The following CDH6 variants were observed in gnomAD, a reference collection of about 807,000 sequenced individuals.
The protein encoded by CDH6 is cadherin-6.
In CDH6, 31 loss-of-function variants were observed where a neutral mutation model predicts 78.0. That is an observed-to-expected ratio of 0.40 (90% CI 0.30 to 0.54). CDH6 has a LOEUF of 0.54. Ranked by LOEUF, CDH6 falls within the 20% of genes least tolerant of loss-of-function variation. CDH6 has a pLI of 0.56. For missense variants in CDH6, 724 were observed against 975.9 expected, an observed-to-expected ratio of 0.74 and a Z score of 3.44; for synonymous variants, 376 against 368.8, an observed-to-expected ratio of 1.02 and a Z score of -0.23.
Position 31,327,860 on chromosome 5 carries a change from T to C in CDH6, c.*4552T>C, listed in dbSNP as rs778043066. ...AAAATACATTGACTCATACACTTGT[T>C]AAAAGTTAATAAAGAAATAGCTCAT... On this transcript the variant is annotated 3_prime_UTR_variant, in exon 12 of 12. Transcript: ENST00000265071. 1.1e-4 allele frequency: 24 copies of C among 215,072 alleles called. No homozygotes were observed. Among genetic ancestry groups the C allele is most frequent in the Admixed American group, 5.3e-4 (9 of 17,136 alleles). 13.3% of individuals were successfully genotyped at this position (215,072 alleles called of 1,614,324 possible). A position where few individuals can be genotyped will look rare whatever the true frequency, so the allele number is the denominator to read the frequency against.
chr5:31,307,539 A>G (rs770613383), intron 7 of CDH6, among the ~76,000 whole-genome samples: 1 of 152,202 alleles, frequency 6.6e-6, no homozygotes, highest in Non-Finnish European at 1.5e-5. Flanking sequence ...CTCCACATAC[A>G]TTTAATATTG....
intron 8 of CDH6, among the ~76,000 whole-genome samples, 163 bp downstream of exon 8, chr5:31,313,617 C>T (rs1738216893): frequency 6.6e-6 from 1 of 152,154 alleles, no homozygotes; most frequent in Non-Finnish European, 1.5e-5. Context: ...TCTAGATATA[C>T]ATTGGCTCAC....
At chr5:31,223,931 G>A (rs1741070602) in intron 1 of CDH6, among the ~76,000 whole-genome samples, 1 of 152,160 alleles carries the variant, frequency 6.6e-6, no homozygotes, top group African/African-American at 2.4e-5. Flanking sequence ...TAATGACAAT[G>A]GTGGTGGCAG....
intron 1 of CDH6, among the ~76,000 whole-genome samples, chr5:31,202,118 T>C: frequency 6.6e-6 from 1 of 152,314 alleles, no homozygotes. Context: ...GTCTTTTTTT[T>C]TCTAAAAGTG....
At chr5:31,289,632 A>C in intron 2 of CDH6, among the ~76,000 whole-genome samples, 1 of 152,200 alleles carries the variant, frequency 6.6e-6, no homozygotes, top group Middle Eastern at 3.4e-3. Flanking sequence ...ACCCTCACCA[A>C]CATTGTTTGG....
At chr5:31,302,903 A>AAAAGAAAGAAAG (rs70953502) in intron 6 of CDH6, among the ~76,000 whole-genome samples, 9,931 of 90,222 alleles carry the variant, frequency 0.11, 646 homozygotes, top group African/African-American at 0.13. Context: ...AAGAAAGAAA[A>AAAAGAAAGAAAG]AAAGAAAGAA....
intron 2 of CDH6, among the ~76,000 whole-genome samples, chr5:31,284,483 C>T (rs1742960225): frequency 6.6e-6 from 1 of 152,198 alleles, no homozygotes; most frequent in Admixed American, 6.5e-5. Flanking sequence ...TCCCACTTGC[C>T]CTGGGGCGAT....
intron 2 of CDH6, among the ~76,000 whole-genome samples, chr5:31,271,829 C>T (rs1742538722): frequency 6.6e-6 from 1 of 152,092 alleles, no homozygotes; most frequent in South Asian, 2.1e-4. Context: ...TTAACAAGAT[C>T]CCCAGGTGAA....
rs118076314 is a variant in CDH6 at position 31,227,644 on chromosome 5, A to C, written c.-129+33758A>C. 6.6e-4 allele frequency among the ~76,000 whole-genome samples: 101 copies of C among 152,184 alleles called. No individual in the cohort carries two copies. In the East Asian group the frequency reaches 0.018, roughly 28 times the overall value. ...AAGGCTTCTGCCAAGGTTCCTCCAG[A>C]ATTTACATCCTTTTGGCCTCCAACT... On this transcript the variant is annotated intron_variant, in intron 1 of 11. Transcript: ENST00000265071.
chr5:31,196,900 A>G, intron 1 of CDH6, among the ~76,000 whole-genome samples: 1 of 152,176 alleles, frequency 6.6e-6, no homozygotes, highest in Non-Finnish European at 1.5e-5. Flanking sequence ...TTTACTCAAT[A>G]ACAATAATAA....
At chr5:31,237,129 C>G (rs1192744869) in intron 1 of CDH6, among the ~76,000 whole-genome samples, 1 of 151,972 alleles carries the variant, frequency 6.6e-6, no homozygotes, top group South Asian at 2.1e-4. Flanking sequence ...GACAGCTGAA[C>G]GAGGCAGGTT....
chr5:31,267,129 C>T (rs1579865558), intron 1 of CDH6, among the ~76,000 whole-genome samples: 1 of 152,080 alleles, frequency 6.6e-6, no homozygotes, highest in Non-Finnish European at 1.5e-5. Context: ...GATTTTTAAG[C>T]GGTAGAAAAG....
intron 2 of CDH6, among the ~76,000 whole-genome samples, chr5:31,280,675 G>A (rs917578389): frequency 2.6e-5 from 4 of 152,126 alleles, no homozygotes; most frequent in African/African-American, 9.7e-5. Flanking sequence ...TTGCAGTGAG[G>A]AAACTTTCCC....
At chr5:31,222,995 CCT>C (rs1741044018) in intron 1 of CDH6, among the ~76,000 whole-genome samples, 1 of 151,880 alleles carries the variant, frequency 6.6e-6, no homozygotes, top group Non-Finnish European at 1.5e-5. Context: ...CCGCACTTTT[CCT>C]CTTTCTCTCT....
rs1738152955 is a variant in CDH6 at position 31,311,471 on chromosome 5, C to T, written c.1254-1847C>T. On this transcript the variant is annotated intron_variant, in intron 7 of 11. Coordinates refer to ENST00000265071, the MANE Select transcript of CDH6 (RefSeq NM_004932.4). The stretch of plus-strand genomic sequence containing the variant: ...CTTCTTCTGAACCCTCCAATCTGTT[C>T]CAACCTCTGCCTGTTACCCAGTTCC... Among the ~76,000 whole-genome samples the T allele has an allele frequency of 2.6e-5, 4 of 152,330 alleles. No individual in the cohort carries two copies. The South Asian group carries it at 6.2e-4, about 24-fold the overall frequency.
At chr5:31,261,087 A>AT (rs372001758) in intron 1 of CDH6, among the ~76,000 whole-genome samples, 4 of 151,388 alleles carry the variant, frequency 2.6e-5, no homozygotes, top group African/African-American at 9.7e-5. Context: ...TAAATACCAT[A>AT]TTTTTTTTTA....
chr5:31,291,277 T>C (rs1250879501), intron 2 of CDH6, among the ~76,000 whole-genome samples: 1 of 152,118 alleles, frequency 6.6e-6, no homozygotes, highest in Non-Finnish European at 1.5e-5. Flanking sequence ...TTTCAAAGTC[T>C]TCAAAACAAA....
rs920999441 is a variant in CDH6 at position 31,327,922 on chromosome 5, ATTT to A, written c.*4615_*4617del. 86 of 216,418 alleles carry A rather than the reference ATTT, an allele frequency of 4.0e-4. No individual in the cohort carries two copies. Among genetic ancestry groups the A allele is most frequent in the African/African-American group, 1.8e-3 (78 of 44,528 alleles). The allele number at this position is 216,418 out of a possible 1,614,324, so 13.4% of individuals were successfully genotyped here. ...GAAGTTTATGGTCTCTGCATCGTCA[ATTT>A]AATTTAAGCATTGCTGAGACAATCT... On this transcript the variant is annotated 3_prime_UTR_variant, in exon 12 of 12. Coordinates refer to ENST00000265071, the MANE Select transcript of CDH6 (RefSeq NM_004932.4).
intron 1 of CDH6, among the ~76,000 whole-genome samples, chr5:31,208,712 C>CA (rs551310698): frequency 4.5e-4 from 68 of 151,990 alleles, no homozygotes; most frequent in Admixed American, 3.3e-4. Flanking sequence ...ACTGAATCTA[C>CA]AAAAAAAACT....
Sources: gnomAD v4.1 joint callset for allele counts (sites outside exome capture counted in the v4.1 genomes callset) on GRCh38, gnomAD v4.1.1 for gene constraint, MANE v1.5 for transcripts, NCBI Gene and HGNC (gene_info 2026-07-23, HGNC 2026-07-21) for gene names.